SIM2: variants seen among roughly 807,000 people sequenced by gnomAD.
SIM2 encodes the protein SIM bHLH transcription factor 2.
In SIM2, 28 loss-of-function variants were observed where a neutral mutation model predicts 64.8. That is an observed-to-expected ratio of 0.43 (90% CI 0.32 to 0.59). SIM2 has a LOEUF of 0.59. Among genes scored for constraint, SIM2 ranks in the 20% least tolerant of loss-of-function variants. The probability of loss-of-function intolerance (pLI) is 0.07; values close to 1 mark genes in which losing one functional copy is unlikely to be tolerated. For missense variants in SIM2, 847 were observed against 871.4 expected, an observed-to-expected ratio of 0.97 and a Z score of 0.35; for synonymous variants, 408 against 391.1, an observed-to-expected ratio of 1.04 and a Z score of -0.51.
chr21:36,743,103 C>T (rs940428253), intron 8 of SIM2, among the ~76,000 whole-genome samples: 2 of 152,214 alleles, frequency 1.3e-5, no homozygotes, highest in African/African-American at 4.8e-5. Flanking sequence ...CCCTTGGTGG[C>T]TTTCCTCATG....
intron 8 of SIM2, among the ~76,000 whole-genome samples, chr21:36,742,146 G>A (rs940258035): frequency 6.6e-6 from 1 of 152,046 alleles, no homozygotes; most frequent in African/African-American, 2.4e-5. Context: ...ACAGAACCTA[G>A]TGAGGAGCAT....
At chr21:36,722,342 G>A (rs372072615) in intron 4 of SIM2, among the ~76,000 whole-genome samples, 1 of 152,188 alleles carries the variant, frequency 6.6e-6, no homozygotes, top group African/African-American at 2.4e-5. Context: ...CTCAGGGAGG[G>A]TGGAAGACTT....
intron 1 of SIM2, among the ~76,000 whole-genome samples, chr21:36,705,041 A>G (rs1248541632): frequency 6.6e-6 from 1 of 152,210 alleles, no homozygotes; most frequent in Non-Finnish European, 1.5e-5. Context: ...TCCTAGAGCA[A>G]CTAGGCGAGA....
rs754863965 is a variant in SIM2, at chr21:36,744,793, C to T, written c.1233C>T (p.Pro411=). The T allele has an allele frequency of 1.2e-6, 2 of 1,613,666 alleles. No homozygotes were observed. Among genetic ancestry groups the T allele is most frequent in the African/African-American group, 2.7e-5 (2 of 74,946 alleles). Residue 411 remains proline (P), a synonymous_variant, in exon 10 of 11, where the codon CCC becomes CCT. Coordinates refer to ENST00000290399, the MANE Select transcript of SIM2 (RefSeq NM_005069.6). ...AGCTCGGAAACTGGAGAGCCAGTCC[C>T]CCTGCAAGCGCTGCTGCTCCTCCAG... ...CGQLGNWRAS[P]PASAAAPPEL...
In SIM2 at chr21:36,743,474, C is replaced by G. The variant is rs1485142481; in HGVS notation, c.1086C>G (p.Thr362=). 46 of 1,614,138 alleles carry G rather than the reference C, an allele frequency of 2.8e-5. No homozygotes were observed. The highest frequency in any genetic ancestry group is 3.9e-5 in the Non-Finnish European group (46 of 1,179,994). ...SQDSWRTALS[T]SQETRKLVKP... is the part of the protein sequence containing the mutation. ...ACTCCTGGAGGACCGCCTTGTCTAC[C>G]TCACAAGAAACTAGGAAATTAGTGA... Residue 362 remains threonine, a synonymous_variant, in exon 9 of 11, where the codon ACC becomes ACG. Coordinates refer to ENST00000290399, the MANE Select transcript of SIM2 (RefSeq NM_005069.6).
Position 36,745,786 on chromosome 21 carries a change from T to G in SIM2, c.1576+650T>G. 7.7e-7 allele frequency: 1 copy of G among 1,303,542 alleles called. No homozygotes were observed. Among genetic ancestry groups the G allele is most frequent in the Non-Finnish European group, 1.0e-6 (1 of 988,404 alleles). 80.7% of individuals were successfully genotyped at this position (1,303,542 alleles called of 1,614,324 possible). On this transcript the variant is annotated intron_variant, in intron 10 of 10. Transcript: ENST00000290399. This position sits in a 1 kb window ranked among gnomAD's most constrained non-coding sequence, Gnocchi z 4.8. ...AAAGGAATGGCCTTTCACCTTCTCC[T>G]GGTGGCAGGCAAGCAGATGTCCTCT...
intron 7 of SIM2, among the ~76,000 whole-genome samples, chr21:36,740,009 G>GAGAAACAA (rs2089136614): frequency 7.6e-6 from 1 of 131,234 alleles, no homozygotes; most frequent in Non-Finnish European, 1.5e-5. Context: ...GAAAGAAAGA[G>GAGAAACAA]AGAAAGAAAG....
chr21:36,703,581 T>C (rs6517376), intron 1 of SIM2, among the ~76,000 whole-genome samples: 7,818 of 152,298 alleles, frequency 0.051, 428 homozygotes, highest in African/African-American at 0.14. Context: ...CACCTTTTCT[T>C]CCCTTTGACA....
chr21:36,730,985 G>C, intron 6 of SIM2, 60 bp from the exon 7 acceptor site: 3 of 1,250,264 alleles, frequency 2.4e-6, no homozygotes, highest in Non-Finnish European at 2.3e-6. Flanking sequence ...ACCAATATTA[G>C]TTTAAATGAA....
chr21:36,725,002 T>C (rs2088870746), intron 5 of SIM2, among the ~76,000 whole-genome samples: 1 of 152,118 alleles, frequency 6.6e-6, no homozygotes, highest in Non-Finnish European at 1.5e-5. Flanking sequence ...AATAAAATCT[T>C]GAATTATAAA....
chr21:36,733,560 A>T (rs916968785), intron 7 of SIM2, among the ~76,000 whole-genome samples: 12 of 134,118 alleles, frequency 8.9e-5, no homozygotes, highest in African/African-American at 2.2e-4. Flanking sequence ...GGAAGCAGGG[A>T]TTTTTTTTTT....
rs200372257 is a variant in SIM2 at position 36,726,330 on chromosome 21, A to G, written c.743+12A>G. The stretch of plus-strand genomic sequence containing the variant: ...TTCCTGGATTCCAGGTGAGTTCGGC[A>G]CCTGCCACAGTGGCTGTGGCCTTCT... On this transcript the variant is annotated intron_variant, in intron 6 of 10. Coordinates refer to ENST00000290399, the MANE Select transcript of SIM2 (RefSeq NM_005069.6). This position sits in a 1 kb window ranked among gnomAD's most constrained non-coding sequence, Gnocchi z 4.5. The G allele has an allele frequency of 6.3e-7, 1 of 1,586,632 alleles. No homozygotes were observed. The highest frequency in any genetic ancestry group is 2.3e-5 in the East Asian group (1 of 43,098).
At chr21:36,709,451 C>T (rs745881842) in intron 2 of SIM2, 11 of 692,846 alleles carry the variant, frequency 1.6e-5, no homozygotes, top group South Asian at 1.2e-4. Context: ...CTACCCTAAC[C>T]CTACGTCTGC....
chr21:36,724,024 C>G (rs181156888), intron 5 of SIM2, among the ~76,000 whole-genome samples: 1 of 152,192 alleles, frequency 6.6e-6, no homozygotes, highest in East Asian at 1.9e-4. Context: ...AACTTTCTTC[C>G]AGGAGGATTT....
Position 36,699,691 on chromosome 21 carries a change from G to C in SIM2, c.-56G>C. ...CCATCCCCGCCGCCGCAGCCCGAGC[G>C]GGGCTCCGCGGGCCTGGAGCACGGC... On this transcript the variant is annotated 5_prime_UTR_variant, in exon 1 of 11. Transcript: ENST00000290399. This position sits in a 1 kb window ranked among gnomAD's most constrained non-coding sequence, Gnocchi z 5.6. 1 of 1,568,532 alleles carries C rather than the reference G, an allele frequency of 6.4e-7. No individual in the cohort carries two copies.
rs760818823 is a variant in SIM2, at chr21:36,748,423, T to C, written c.*331T>C. ...GTTCCACAACAGTCCCGCTGGGGGATTGAAGCGGTTTCACTCCGCAAATAT... is the reference window on the plus strand; with the variant it reads ...GTTCCACAACAGTCCCGCTGGGGGACTGAAGCGGTTTCACTCCGCAAATAT... On this transcript the variant is annotated 3_prime_UTR_variant, in exon 11 of 11. Transcript: ENST00000290399. 6 of 155,690 alleles carry C rather than the reference T, an allele frequency of 3.9e-5. No homozygotes were observed. Among genetic ancestry groups the C allele is most frequent in the Non-Finnish European group, 5.7e-5 (4 of 70,318 alleles). The allele number at this position is 155,690 out of a possible 1,614,324, so 9.6% of individuals were successfully genotyped here.
At chr21:36,716,921 C>A (rs897286491) in intron 3 of SIM2, among the ~76,000 whole-genome samples, 1 of 151,388 alleles carries the variant, frequency 6.6e-6, no homozygotes, top group Non-Finnish European at 1.5e-5. Flanking sequence ...TGGATAGATA[C>A]GTAAATACAG....
chr21:36,737,136 C>T (rs900515965), intron 7 of SIM2, among the ~76,000 whole-genome samples: 2 of 152,110 alleles, frequency 1.3e-5, no homozygotes, highest in Admixed American at 6.5e-5. Flanking sequence ...GCTATGTTGC[C>T]CAGGCTGGGC....
chr21:36,736,408 C>T (rs2089048917), intron 7 of SIM2, among the ~76,000 whole-genome samples: 1 of 152,204 alleles, frequency 6.6e-6, no homozygotes, highest in Non-Finnish European at 1.5e-5. Flanking sequence ...CCGGGAGGGC[C>T]AGACAGCCCG....
Sources: allele counts gnomAD v4.1 joint callset (sites outside exome capture counted in the v4.1 genomes callset), GRCh38; gene constraint gnomAD v4.1.1; non-coding constraint Gnocchi (gnomAD v3.1); transcripts MANE v1.5; gene names NCBI Gene and HGNC (gene_info 2026-07-23, HGNC 2026-07-21).